NDUFV2: variants seen among roughly 807,000 people sequenced by gnomAD.
The protein encoded by NDUFV2 is NADH dehydrogenase [ubiquinone] flavoprotein 2, mitochondrial.
NDUFV2 carries 18 observed loss-of-function variants against 31.6 expected under a neutral mutation model. That is an observed-to-expected ratio of 0.57 (90% CI 0.39 to 0.84). The LOEUF is 0.84. Ranked by LOEUF, NDUFV2 falls within the 40% of genes least tolerant of loss-of-function variation. The pLI, the probability that NDUFV2 is intolerant of heterozygous loss-of-function variation, is 0.00. For missense variants in NDUFV2, 314 were observed against 303.6 expected (o/e 1.03, Z -0.26); for synonymous variants, 83 against 99.8 (o/e 0.83, Z 1.01).
intron 7 of NDUFV2, among the ~76,000 whole-genome samples, chr18:9,133,785 G>T (rs575371184): frequency 1.4e-4 from 22 of 152,228 alleles, no homozygotes; most frequent in African/African-American, 5.1e-4. Context: ...ATGTTCTCTG[G>T]GGTTGGGTAT....
At chr18:9,128,082 C>T (rs1395257392) in intron 7 of NDUFV2, among the ~76,000 whole-genome samples, 2 of 152,146 alleles carry the variant, frequency 1.3e-5, no homozygotes, top group Non-Finnish European at 1.5e-5. Context: ...TTAATACTAG[C>T]AAATGTTCTC....
chr18:9,123,651 AT>A (rs1382029689), intron 5 of NDUFV2, among the ~76,000 whole-genome samples: 2 of 152,002 alleles, frequency 1.3e-5, no homozygotes, highest in Admixed American at 1.3e-4. Context: ...AGCCCAGCTA[AT>A]TGATTTTTGT....
chr18:9,132,235 C>T (rs995142211), intron 7 of NDUFV2: 10 of 152,120 alleles, frequency 6.6e-5, no homozygotes, highest in Admixed American at 1.3e-4. Context: ...TTAATTCTCC[C>T]ATTTATTGTT....
intron 5 of NDUFV2, 139 bp from the exon 6 acceptor site, chr18:9,124,735 A>T (rs370021760): frequency 1.7e-5 from 13 of 778,506 alleles, no homozygotes; most frequent in Admixed American, 1.5e-4. Flanking sequence ...GGCGTGAGCC[A>T]CCGCGCCTGG....
chr18:9,113,419 G>A (rs1315323034), intron 1 of NDUFV2, among the ~76,000 whole-genome samples: 3 of 152,162 alleles, frequency 2.0e-5, no homozygotes, highest in Non-Finnish European at 2.9e-5. Context: ...TACCCCATTT[G>A]TAAGCTAACA....
intron 1 of NDUFV2, among the ~76,000 whole-genome samples, chr18:9,113,017 T>C (rs192864953): frequency 6.6e-5 from 10 of 152,256 alleles, no homozygotes; most frequent in East Asian, 1.9e-4. Flanking sequence ...ATCACTGTTA[T>C]CTAATATTCC....
chr18:9,103,965 G>A lies in NDUFV2; in HGVS notation c.54+1168G>A, dbSNP rs530547493. On this transcript the variant is annotated intron_variant, in intron 1 of 7. Coordinates refer to ENST00000318388, the MANE Select transcript of NDUFV2 (RefSeq NM_021074.5). ...TTCCTCATATTACAGATAAGGAAAA[G>A]ATTTAGACAGTTCCCGTTCTTTTGG... The A allele has an allele frequency of 1.6e-5, 9 of 553,936 alleles. No homozygotes were observed. In the South Asian group the frequency reaches 2.1e-4, roughly 13 times the overall value. 34.3% of individuals were successfully genotyped at this position (553,936 alleles called of 1,614,324 possible). A position where few individuals can be genotyped will look rare whatever the true frequency, so the allele number is the denominator to read the frequency against.
At chr18:9,133,141 C>A (rs1433503420) in intron 7 of NDUFV2, among the ~76,000 whole-genome samples, 3 of 152,112 alleles carry the variant, frequency 2.0e-5, no homozygotes, top group Non-Finnish European at 4.4e-5. Flanking sequence ...GTGTCACTTT[C>A]CTGGCTCCAA....
At chr18:9,129,190 CT>C (rs1418685589) in intron 7 of NDUFV2, among the ~76,000 whole-genome samples, 1 of 152,188 alleles carries the variant, frequency 6.6e-6, no homozygotes, top group African/African-American at 2.4e-5. Context: ...ATCTGCCTGC[CT>C]TGGCCTCCCA....
intron 1 of NDUFV2, among the ~76,000 whole-genome samples, chr18:9,107,060 TACTC>T (rs1482798056): frequency 1.3e-5 from 2 of 152,226 alleles, no homozygotes; most frequent in Admixed American, 6.5e-5. Flanking sequence ...TGTAAACTAA[TACTC>T]ACAGGTTTCC....
At chr18:9,107,195 A>G (rs1199413768) in intron 1 of NDUFV2, among the ~76,000 whole-genome samples, 3 of 152,232 alleles carry the variant, frequency 2.0e-5, no homozygotes, top group Non-Finnish European at 2.9e-5. Context: ...TCAGTAGGCC[A>G]CTATTGCAAA....
intron 1 of NDUFV2, among the ~76,000 whole-genome samples, chr18:9,109,168 G>A (rs1417164340): frequency 6.6e-6 from 1 of 152,150 alleles, no homozygotes; most frequent in Non-Finnish European, 1.5e-5. Context: ...AGACCACTTT[G>A]GATTCACTAG....
intron 1 of NDUFV2, among the ~76,000 whole-genome samples, chr18:9,106,762 T>C (rs565909535): frequency 6.6e-6 from 1 of 152,350 alleles, no homozygotes; most frequent in South Asian, 2.1e-4. Context: ...AAAATTAAAG[T>C]GTAGCCCGAG....
intron 1 of NDUFV2, among the ~76,000 whole-genome samples, chr18:9,109,739 T>A (rs982436040): frequency 6.6e-6 from 1 of 152,148 alleles, no homozygotes; most frequent in Non-Finnish European, 1.5e-5. Flanking sequence ...TTTCTCTAAA[T>A]GTAAAATGGA....
intron 6 of NDUFV2, among the ~76,000 whole-genome samples, chr18:9,125,374 C>T (rs893136564): frequency 1.3e-5 from 2 of 151,910 alleles, no homozygotes; most frequent in Admixed American, 1.3e-4. Flanking sequence ...TCCTTTTATC[C>T]CCAGAGATAA....
intron 1 of NDUFV2, chr18:9,117,606 G>C (rs536860564): frequency 2.1e-6 from 1 of 475,936 alleles, no homozygotes; most frequent in African/African-American, 1.9e-5. Context: ...GGGTTGTCCT[G>C]GTTCTCCTAT....
chr18:9,104,934 C>T (rs1400443335), intron 1 of NDUFV2: 1 of 1,539,508 alleles, frequency 6.5e-7, no homozygotes, highest in Non-Finnish European at 8.8e-7. Context: ...TTGATGTCTA[C>T]ACATAACAGA....
chr18:9,128,716 G>A (rs2078013969), intron 7 of NDUFV2, among the ~76,000 whole-genome samples: 2 of 152,100 alleles, frequency 1.3e-5, no homozygotes, highest in South Asian at 2.1e-4. Context: ...TTTTCCACAA[G>A]CTTCATCTGC....
chr18:9,105,765 A>G (rs1370542342), intron 1 of NDUFV2, among the ~76,000 whole-genome samples: 1 of 152,194 alleles, frequency 6.6e-6, no homozygotes, highest in Non-Finnish European at 1.5e-5. Flanking sequence ...AAAGTTGGGA[A>G]TTTGCAAGAC....
Sources: allele counts gnomAD v4.1 joint callset (sites outside exome capture counted in the v4.1 genomes callset), GRCh38; gene constraint gnomAD v4.1.1; transcripts MANE v1.5; gene names NCBI Gene and HGNC (gene_info 2026-07-23, HGNC 2026-07-21).